LIN7A: variants seen among roughly 807,000 people sequenced by gnomAD.
LIN7A encodes protein lin-7 homolog A.
Under a neutral mutation model 29.8 loss-of-function variants are expected in LIN7A, and 25 were observed. That is an observed-to-expected ratio of 0.84 (90% CI 0.61 to 1.17). The LOEUF is 1.17. LIN7A is among the 50% of genes most tolerant of loss of function. The probability of loss-of-function intolerance (pLI) is 0.00; values close to 1 mark genes in which losing one functional copy is unlikely to be tolerated. For missense variants in LIN7A, 239 were observed against 287.0 expected (o/e 0.83, Z 1.21); for synonymous variants, 118 against 107.5 (o/e 1.10, Z -0.60).
chr12:80,823,318 C>T (rs999753887), intron 4 of LIN7A, among the ~76,000 whole-genome samples: 3 of 152,136 alleles, frequency 2.0e-5, no homozygotes, highest in Non-Finnish European at 2.9e-5. Flanking sequence ...AAGAGCTCCC[C>T]GAGCCAGGGT....
chr12:80,925,062 A>G (rs1048923960), intron 1 of LIN7A, among the ~76,000 whole-genome samples: 1 of 152,208 alleles, frequency 6.6e-6, no homozygotes, highest in African/African-American at 2.4e-5. Flanking sequence ...ACCCTCTAAA[A>G]CTATGCAATA....
intron 4 of LIN7A, among the ~76,000 whole-genome samples, chr12:80,819,753 G>A (rs1002507526): frequency 1.3e-5 from 2 of 152,060 alleles, no homozygotes; most frequent in African/African-American, 2.4e-5. Context: ...GGATTATTAT[G>A]AGCATTAAAT....
intron 2 of LIN7A, among the ~76,000 whole-genome samples, chr12:80,851,448 G>C (rs188015781): frequency 1.4e-4 from 21 of 151,676 alleles, no homozygotes; most frequent in South Asian, 8.3e-4. Flanking sequence ...TGTAGAGTCA[G>C]GTCAAATCCT....
intron 2 of LIN7A, among the ~76,000 whole-genome samples, chr12:80,869,110 T>C (rs932654291): frequency 6.1e-4 from 93 of 151,354 alleles, no homozygotes; most frequent in African/African-American, 2.2e-3. Flanking sequence ...CATTGGCATG[T>C]AGCACTTTAA....
intron 4 of LIN7A, among the ~76,000 whole-genome samples, chr12:80,830,924 C>T (rs529017454): frequency 5.9e-5 from 9 of 152,318 alleles, no homozygotes; most frequent in African/African-American, 2.2e-4. Flanking sequence ...ACCGGCACCA[C>T]ACTCTCCCTG....
chr12:80,936,691 C>G (rs1247023687), intron 1 of LIN7A: 1 of 151,970 alleles, frequency 6.6e-6, no homozygotes, highest in African/African-American at 2.4e-5. Context: ...CACAGGGGTG[C>G]ACCAGTGAGG....
chr12:80,811,923 C>A (rs1408067939), intron 4 of LIN7A, among the ~76,000 whole-genome samples: 1 of 151,962 alleles, frequency 6.6e-6, no homozygotes, highest in Non-Finnish European at 1.5e-5. Context: ...GGGTGAAAAG[C>A]AATGAAGACC....
rs1240595898 is a variant in LIN7A, at chr12:80,796,207, G to C, written c.*1520C>G. 3 of 151,998 alleles carry C rather than the reference G, an allele frequency of 2.0e-5. No homozygotes were observed. The East Asian group carries it at 5.8e-4, about 29-fold the overall frequency. 9.4% of individuals were successfully genotyped at this position (151,998 alleles called of 1,614,324 possible). ...AGTGTCAAATTGTATTGTATCTTGG[G>C]GAATCAATTTCTGTATTTGAGAAAA... On this transcript the variant is annotated 3_prime_UTR_variant, in exon 6 of 6. Transcript: ENST00000552864.
intron 4 of LIN7A, among the ~76,000 whole-genome samples, chr12:80,844,109 G>A (rs1467985521): frequency 6.6e-6 from 1 of 151,888 alleles, no homozygotes; most frequent in Non-Finnish European, 1.5e-5. Context: ...GAAATTGCAA[G>A]TTCATACTCT....
Position 80,804,540 on chromosome 12 carries a change from A to AT in LIN7A, c.*1-6815dup, listed in dbSNP as rs35579064. On this transcript the variant is annotated intron_variant, in intron 5 of 5. Coordinates refer to ENST00000552864, the MANE Select transcript of LIN7A (RefSeq NM_004664.4). The stretch of plus-strand genomic sequence containing the variant: ...TCTCCATGTTATTGCAAATTACTGA[A>AT]TTTTTTTTTTTTTTCTGAGACAGAG... 3.3e-3 allele frequency among the ~76,000 whole-genome samples: 479 copies of AT among 145,114 alleles called. 2 individuals are homozygous for AT. Among genetic ancestry groups the AT allele is most frequent in the South Asian group, 0.01 (46 of 4,538 alleles).
At chr12:80,860,111 T>A (rs1873788696) in intron 2 of LIN7A, among the ~76,000 whole-genome samples, 2 of 152,186 alleles carry the variant, frequency 1.3e-5, no homozygotes, top group Non-Finnish European at 2.9e-5. Flanking sequence ...GTTTTGTAAG[T>A]GTGAGAACAT....
chr12:80,915,422 G>A (rs1018375828), intron 1 of LIN7A, among the ~76,000 whole-genome samples: 6 of 152,194 alleles, frequency 3.9e-5, no homozygotes, highest in African/African-American at 1.2e-4. Flanking sequence ...TACACTGTTG[G>A]TGGAAATGTA....
chr12:80,919,187 G>A (rs1246552455), intron 1 of LIN7A, among the ~76,000 whole-genome samples: 4 of 152,130 alleles, frequency 2.6e-5, no homozygotes, highest in South Asian at 2.1e-4. Context: ...AATTAACCAC[G>A]CTACAAAAGT....
intron 2 of LIN7A, among the ~76,000 whole-genome samples, chr12:80,885,940 T>C (rs554877051): frequency 6.6e-6 from 1 of 152,236 alleles, no homozygotes; most frequent in African/African-American, 2.4e-5. Flanking sequence ...TAAAAATATT[T>C]TTGGCAAAAG....
chr12:80,879,807 A>T (rs1391686065), intron 2 of LIN7A, among the ~76,000 whole-genome samples: 1 of 152,192 alleles, frequency 6.6e-6, no homozygotes, highest in African/African-American at 2.4e-5. Context: ...TTTCAGTATC[A>T]AACAGAATTA....
At chr12:80,919,267 T>A (rs557944912) in intron 1 of LIN7A, among the ~76,000 whole-genome samples, 8 of 152,298 alleles carry the variant, frequency 5.3e-5, no homozygotes, top group African/African-American at 1.7e-4. Context: ...AACTTATAGT[T>A]CATATTGTAT....
chr12:80,841,333 A>C (rs1872796935), intron 4 of LIN7A, among the ~76,000 whole-genome samples: 1 of 147,312 alleles, frequency 6.8e-6, no homozygotes, highest in Non-Finnish European at 1.5e-5. Flanking sequence ...AAATGAAAAG[A>C]AAGAGGGAGG....
At chr12:80,936,848 CGCGCCTTCCGCAGCCTGG>C (rs1878253212) in intron 1 of LIN7A, 1 of 152,326 alleles carries the variant, frequency 6.6e-6, no homozygotes, top group Non-Finnish European at 1.5e-5. Context: ...GCTTTGTCCC[CGCGCCTTCCGCAGCCTGG>C]GCGCCGCGGT....
intron 2 of LIN7A, among the ~76,000 whole-genome samples, chr12:80,884,596 C>T (rs1265626216): frequency 6.6e-6 from 1 of 152,080 alleles, no homozygotes; most frequent in Non-Finnish European, 1.5e-5. Context: ...TTGGCTAAAG[C>T]AGTTATCATA....
Sources: allele counts gnomAD v4.1 joint callset (sites outside exome capture counted in the v4.1 genomes callset), GRCh38; gene constraint gnomAD v4.1.1; transcripts MANE v1.5; gene names NCBI Gene and HGNC (gene_info 2026-07-23, HGNC 2026-07-21).